Variants in XPR1 observed in about 807,000 individuals in gnomAD.
The protein encoded by XPR1 is xenotropic and polytropic retrovirus receptor 1.
Under a neutral mutation model 87.5 loss-of-function variants are expected in XPR1, and 28 were observed. That is an observed-to-expected ratio of 0.32 (90% confidence interval 0.24 to 0.44). The LOEUF (loss-of-function observed/expected upper bound fraction) is 0.44. XPR1 is among the 20% of genes least tolerant of loss of function. The pLI is 1.00. For missense variants in XPR1, 559 were observed against 862.3 expected (o/e 0.65, Z 4.41); for synonymous variants, 300 against 306.1 (o/e 0.98, Z 0.21).
chr1:180,764,788 C>CTTT (rs60659660), intron 2 of XPR1, among the ~76,000 whole-genome samples: 53 of 129,706 alleles, frequency 4.1e-4, no homozygotes, highest in African/African-American at 9.7e-4. Flanking sequence ...AATTTTTTTT[C>CTTT]TTTTTTTTTT....
At position 180,885,770 on chromosome 1, in the gene XPR1, G is replaced by C. The variant is rs1652989361; in HGVS notation, c.*1704G>C. On this transcript the variant is annotated 3_prime_UTR_variant, in exon 15 of 15. Transcript: ENST00000367590. ...ACCATTCGCTTAGTCAAAACATTCGGTTACTGCCCTTTAATACACTCCTAT... is the reference window on the plus strand; with the variant it reads ...ACCATTCGCTTAGTCAAAACATTCGCTTACTGCCCTTTAATACACTCCTAT... 1 of 152,114 alleles carries C rather than the reference G, an allele frequency of 6.6e-6. No homozygotes were observed. Among genetic ancestry groups the C allele is most frequent in the Non-Finnish European group, 1.5e-5 (1 of 68,032 alleles). 9.4% of individuals were successfully genotyped at this position (152,114 alleles called of 1,614,324 possible). A position where few individuals can be genotyped will look rare whatever the true frequency, so the allele number is the denominator to read the frequency against.
chr1:180,712,248 A>G (rs1337145393), intron 2 of XPR1, among the ~76,000 whole-genome samples: 1 of 152,220 alleles, frequency 6.6e-6, no homozygotes, highest in Non-Finnish European at 1.5e-5. Context: ...CAAGCACTGA[A>G]GTACCATGAT....
chr1:180,862,780 A>G lies in XPR1; in HGVS notation c.1502-928A>G, dbSNP rs547148413. On this transcript the variant is annotated intron_variant, in intron 11 of 14. Transcript: ENST00000367590. Reference sequence around the variant, plus strand: ...ATGCATGATATATCCTTCACTTTCTATATCTTTGAGAAACTGACCAAAATT... The same window carrying G: ...ATGCATGATATATCCTTCACTTTCTGTATCTTTGAGAAACTGACCAAAATT... 1.7e-3 allele frequency among the ~76,000 whole-genome samples: 258 copies of G among 152,246 alleles called. 1 individual carries two copies. Among genetic ancestry groups the G allele is most frequent in the African/African-American group, 6.0e-3 (251 of 41,566 alleles).
chr1:180,874,041 C>G, intron 13 of XPR1, 99 bp downstream of exon 13: 1 of 1,325,638 alleles, frequency 7.5e-7, no homozygotes, highest in South Asian at 1.6e-5. Flanking sequence ...ACTTGAAAAC[C>G]TTTAATTTTC....
chr1:180,660,198 G>A (rs1412855932), intron 1 of XPR1, among the ~76,000 whole-genome samples: 1 of 151,932 alleles, frequency 6.6e-6, no homozygotes, highest in East Asian at 1.9e-4. Flanking sequence ...AATTTCTGTG[G>A]TATTGGTTGT....
intron 2 of XPR1, 41 bp from the exon 3 acceptor site, chr1:180,787,712 C>G: frequency 7.1e-7 from 1 of 1,417,742 alleles, no homozygotes; most frequent in Non-Finnish European, 9.7e-7. Context: ...CTCAATTGGC[C>G]TTTGGACATT....
chr1:180,778,088 C>T (rs917596188), intron 2 of XPR1, among the ~76,000 whole-genome samples: 36 of 152,132 alleles, frequency 2.4e-4, no homozygotes, highest in African/African-American at 8.7e-4. Context: ...TAAAGCCATC[C>T]TCCCACCTCA....
At chr1:180,792,326 T>C (rs12076333) in intron 3 of XPR1, among the ~76,000 whole-genome samples, 1,793 of 152,330 alleles carry the variant, frequency 0.012, 28 homozygotes, top group African/African-American at 0.041. Flanking sequence ...TTTTATTTTG[T>C]CTGTTTCTAG....
chr1:180,746,727 A>G (rs1647274252), intron 2 of XPR1, among the ~76,000 whole-genome samples: 1 of 152,192 alleles, frequency 6.6e-6, no homozygotes, highest in South Asian at 2.1e-4. Flanking sequence ...TTAAAAAACT[A>G]TCCGCTGTAT....
At chr1:180,755,030 A>G (rs527687407) in intron 2 of XPR1, among the ~76,000 whole-genome samples, 2 of 152,310 alleles carry the variant, frequency 1.3e-5, no homozygotes, top group South Asian at 4.1e-4. Flanking sequence ...CAGGTTTCTA[A>G]CTTTTAGAGA....
At position 180,848,526 on chromosome 1, in the gene XPR1, G is replaced by A. The variant is rs148915628; in HGVS notation, c.1501+11810G>A. Among the ~76,000 whole-genome samples the A allele has an allele frequency of 3.2e-4, 49 of 152,210 alleles. No homozygotes were observed. The East Asian group carries it at 7.3e-3, about 23-fold the overall frequency. On this transcript the variant is annotated intron_variant, in intron 11 of 14. Coordinates refer to ENST00000367590, the MANE Select transcript of XPR1 (RefSeq NM_004736.4). ...TTTTATGGCTGAATAGTATGCCATT[G>A]TGTATATACACCACATTTTCTTTAT...
intron 2 of XPR1, among the ~76,000 whole-genome samples, chr1:180,760,479 CAGAG>C (rs1012067373): frequency 1.8e-4 from 27 of 152,124 alleles, no homozygotes; most frequent in Admixed American, 1.2e-3. Context: ...AACAGACAAA[CAGAG>C]AGCCAAATCA....
At chr1:180,709,301 A>C (rs1460633662) in intron 2 of XPR1, among the ~76,000 whole-genome samples, 2 of 152,234 alleles carry the variant, frequency 1.3e-5, no homozygotes, top group East Asian at 3.8e-4. Context: ...AGTATAATTG[A>C]CATTTAATAA....
intron 11 of XPR1, among the ~76,000 whole-genome samples, chr1:180,842,553 A>C (rs1325983126): frequency 1.3e-5 from 2 of 152,214 alleles, no homozygotes; most frequent in Non-Finnish European, 2.9e-5. Context: ...TCCATATTTT[A>C]AGAATTCACA....
intron 1 of XPR1, among the ~76,000 whole-genome samples, chr1:180,645,604 T>A (rs1557936433): frequency 1.3e-5 from 2 of 152,210 alleles, no homozygotes. Context: ...CTCTTGTAAC[T>A]AAAGAACTCT....
chr1:180,806,950 C>G (rs1650013350), intron 6 of XPR1, among the ~76,000 whole-genome samples: 1 of 152,046 alleles, frequency 6.6e-6, no homozygotes, highest in African/African-American at 2.4e-5. Flanking sequence ...TAAGTGATAT[C>G]TTCTGTGTCA....
intron 1 of XPR1, among the ~76,000 whole-genome samples, chr1:180,655,653 G>A (rs755343932): frequency 1.7e-4 from 26 of 151,888 alleles, no homozygotes; most frequent in Non-Finnish European, 1.5e-4. Context: ...TGCCTTTGGT[G>A]TCTTATGCTA....
rs549825206 is a variant in XPR1 at position 180,747,598 on chromosome 1, T to A, written c.122-40155T>A. Among the ~76,000 whole-genome samples, 268 of 152,362 alleles carry A rather than the reference T, an allele frequency of 1.8e-3. 1 individual carries two copies. Among genetic ancestry groups the A allele is most frequent in the African/African-American group, 6.3e-3 (260 of 41,582 alleles). ...TTGGAATTTAGATAGTGAAGATTTT[T>A]AAAAATAAGTTAATAGGGAAGGCTT... On this transcript the variant is annotated intron_variant, in intron 2 of 14. Transcript: ENST00000367590.
intron 6 of XPR1, 37 bp downstream of exon 6, chr1:180,806,594 C>G (rs776764493): frequency 6.3e-7 from 1 of 1,581,362 alleles, no homozygotes; most frequent in Non-Finnish European, 8.7e-7. Flanking sequence ...TTGGTTTCAC[C>G]TATTTAATAA....
Sources: allele counts gnomAD v4.1 joint callset (sites outside exome capture counted in the v4.1 genomes callset), GRCh38; gene constraint gnomAD v4.1.1; transcripts MANE v1.5; gene names NCBI Gene and HGNC (gene_info 2026-07-23, HGNC 2026-07-21).